PSMD1: variants seen among roughly 807,000 people sequenced by gnomAD.
PSMD1 encodes proteasome 26S subunit, non-ATPase 1, also known as 26S proteasome non-ATPase regulatory subunit 1.
In PSMD1, 18 loss-of-function variants were observed where a neutral mutation model predicts 119.0. That is an observed-to-expected ratio of 0.15 (90% CI 0.10 to 0.22). The LOEUF is 0.22. Among genes scored for constraint, PSMD1 ranks in the 10% least tolerant of loss-of-function variants. The pLI is 1.00. For missense variants in PSMD1, 702 were observed against 1,158.5 expected, an observed-to-expected ratio of 0.61 and a Z score of 5.72; for synonymous variants, 374 against 396.6, an observed-to-expected ratio of 0.94 and a Z score of 0.68.
chr2:231,112,419 T>C (rs1695183498), intron 16 of PSMD1, among the ~76,000 whole-genome samples: 1 of 152,202 alleles, frequency 6.6e-6, no homozygotes, highest in African/African-American at 2.4e-5. Flanking sequence ...CCTGTTTTCT[T>C]CCCATACCAG....
intron 16 of PSMD1, among the ~76,000 whole-genome samples, chr2:231,117,194 ACTTTAT>A (rs1695372131): frequency 6.6e-6 from 1 of 152,066 alleles, no homozygotes; most frequent in Non-Finnish European, 1.5e-5. Flanking sequence ...ATGGTGAAAT[ACTTTAT>A]TTCAAAACGT....
At position 231,170,826 on chromosome 2, in the gene PSMD1, C is replaced by A; in HGVS notation, c.*9+105C>A. The A allele has an allele frequency of 8.3e-7, 1 of 1,205,448 alleles. No homozygotes were observed. Among genetic ancestry groups the A allele is most frequent in the Admixed American group, 2.9e-5 (1 of 34,404 alleles). The allele number at this position is 1,205,448 out of a possible 1,614,324, so 74.7% of individuals were successfully genotyped here. ...GTTTTTCCTTCCTTTTGTGTTTAAT[C>A]CTTATTTACCTAAACAGTATTAAAA... On this transcript the variant is annotated intron_variant, in intron 24 of 24. Coordinates refer to ENST00000308696, the MANE Select transcript of PSMD1 (RefSeq NM_002807.4). This position sits in a 1 kb window ranked among gnomAD's most constrained non-coding sequence, Gnocchi z 4.1.
chr2:231,121,211 ATATTT>A (rs2125228728), intron 16 of PSMD1, among the ~76,000 whole-genome samples: 1 of 152,262 alleles, frequency 6.6e-6, no homozygotes, highest in East Asian at 1.9e-4. Flanking sequence ...GGGCTATAAA[ATATTT>A]TATTTTGTAA....
intron 14 of PSMD1, 74 bp downstream of exon 14, chr2:231,083,837 A>G (rs988447589): frequency 1.4e-6 from 2 of 1,435,774 alleles, no homozygotes; most frequent in South Asian, 2.4e-5. Flanking sequence ...CTGGAAATTA[A>G]CTCTGTTCCC....
intron 12 of PSMD1, among the ~76,000 whole-genome samples, 180 bp from the exon 13 acceptor site, chr2:231,082,703 C>T (rs1384604962): frequency 6.6e-6 from 1 of 152,176 alleles, no homozygotes; most frequent in Non-Finnish European, 1.5e-5. Flanking sequence ...GAAACTACGT[C>T]TGAAACAAAA....
chr2:231,064,245 G>A (rs1315645623), intron 4 of PSMD1, among the ~76,000 whole-genome samples: 2 of 151,984 alleles, frequency 1.3e-5, no homozygotes, highest in Non-Finnish European at 2.9e-5. Flanking sequence ...TTCATGAGGG[G>A]GTATACAAAA....
chr2:231,065,450 A>G (rs1339873856), intron 4 of PSMD1, among the ~76,000 whole-genome samples: 2 of 128,646 alleles, frequency 1.6e-5, no homozygotes, highest in Non-Finnish European at 3.1e-5. Flanking sequence ...CCGCCACCAC[A>G]CCCGGCTAAT....
At chr2:231,147,432 G>T (rs898377328) in intron 18 of PSMD1, among the ~76,000 whole-genome samples, 1 of 152,212 alleles carries the variant, frequency 6.6e-6, no homozygotes, top group Non-Finnish European at 1.5e-5. Context: ...AGGAGGCCAA[G>T]GCTGCAGTGA....
At chr2:231,101,752 C>A (rs76279357) in intron 16 of PSMD1, among the ~76,000 whole-genome samples, 3,309 of 152,298 alleles carry the variant, frequency 0.022, 132 homozygotes, top group African/African-American at 0.075. Flanking sequence ...GACATTCTAC[C>A]AGCATAAAGA....
chr2:231,084,040 G>A (rs1240412720), intron 14 of PSMD1, among the ~76,000 whole-genome samples: 1 of 152,172 alleles, frequency 6.6e-6, no homozygotes, highest in Non-Finnish European at 1.5e-5. Flanking sequence ...TTCACGAGTT[G>A]ATTTCTTTTA....
Position 231,165,034 on chromosome 2 carries a change from T to TATA in PSMD1, c.2482-166_2482-165insATA, listed in dbSNP as rs1696733488. On this transcript the variant is annotated intron_variant, in intron 21 of 24. Coordinates refer to ENST00000308696, the MANE Select transcript of PSMD1 (RefSeq NM_002807.4). ...CATTTATTCTTTGATTTATATATAT[T>TATA]TATATATATATATATATATATATAT... 6.9e-4 allele frequency: 15 copies of TATA among 21,836 alleles called. 2 individuals are homozygous for TATA. The highest frequency in any genetic ancestry group is 9.7e-4 in the African/African-American group (4 of 4,130). The allele number at this position is 21,836 out of a possible 1,614,324, so 1.4% of individuals were successfully genotyped here.
At position 231,163,735 on chromosome 2, in the gene PSMD1, C is replaced by A. The variant is rs757427685; in HGVS notation, c.2481+8C>A. 5 of 1,577,620 alleles carry A rather than the reference C, an allele frequency of 3.2e-6. No individual in the cohort carries two copies. The highest frequency in any genetic ancestry group is 2.7e-5 in the African/African-American group (2 of 73,956). On this transcript the variant is annotated splice_region_variant and intron_variant, in intron 21 of 24. Transcript: ENST00000308696. ...GAAAAAGAAAAGGAAAAGGTAGGTT[C>A]TTTGTTCCTTTTAGCAGCATTTGTA...
In PSMD1 at chr2:231,080,326, AAT is replaced by A. The variant is rs766121748; in HGVS notation, c.1413+13_1413+14del. The A allele has an allele frequency of 8.5e-5, 131 of 1,544,252 alleles. No homozygotes were observed. The highest frequency in any genetic ancestry group is 1.1e-4 in the Non-Finnish European group (126 of 1,138,272). On this transcript the variant is annotated intron_variant, in intron 12 of 24. Coordinates refer to ENST00000308696, the MANE Select transcript of PSMD1 (RefSeq NM_002807.4). The stretch of plus-strand genomic sequence containing the variant: ...ACGCCAGCAATGATGTAAGTATTAA[AAT>A]GGAAAACTAAATTTCCAAAACTCAA...
chr2:231,096,669 G>A (rs1402340682), intron 16 of PSMD1, among the ~76,000 whole-genome samples: 1 of 152,064 alleles, frequency 6.6e-6, no homozygotes, highest in African/African-American at 2.4e-5. Flanking sequence ...TCTATAGAAG[G>A]GTGCGCCCTT....
chr2:231,112,929 C>G (rs1358959970), intron 16 of PSMD1, among the ~76,000 whole-genome samples: 1 of 152,136 alleles, frequency 6.6e-6, no homozygotes, highest in Non-Finnish European at 1.5e-5. Context: ...CTTTGGGAGG[C>G]TGGGGCAGGG....
intron 16 of PSMD1, among the ~76,000 whole-genome samples, chr2:231,118,174 G>A (rs1407850229): frequency 6.6e-6 from 1 of 151,630 alleles, no homozygotes; most frequent in Non-Finnish European, 1.5e-5. Flanking sequence ...TATGGATGAT[G>A]ATTAAATACA....
intron 15 of PSMD1, among the ~76,000 whole-genome samples, chr2:231,085,987 A>G (rs1405264325): frequency 6.6e-6 from 1 of 152,004 alleles, no homozygotes; most frequent in Non-Finnish European, 1.5e-5. Flanking sequence ...AGTATGTTCT[A>G]AATGTTCATA....
At chr2:231,093,785 A>G (rs749740926) in intron 16 of PSMD1, among the ~76,000 whole-genome samples, 5 of 151,982 alleles carry the variant, frequency 3.3e-5, no homozygotes, top group Admixed American at 1.3e-4. Context: ...TTTTTTGAGC[A>G]TATTTTTAAG....
intron 16 of PSMD1, among the ~76,000 whole-genome samples, chr2:231,092,810 A>C (rs1235730198): frequency 1.3e-5 from 2 of 152,208 alleles, no homozygotes; most frequent in East Asian, 1.9e-4. Flanking sequence ...TGTTGGGGAA[A>C]GTGGCGTTGG....
Sources: allele counts gnomAD v4.1 joint callset (sites outside exome capture counted in the v4.1 genomes callset), GRCh38; gene constraint gnomAD v4.1.1; non-coding constraint Gnocchi (gnomAD v3.1); transcripts MANE v1.5; gene names NCBI Gene and HGNC (gene_info 2026-07-23, HGNC 2026-07-21).